Variants in DPP6 observed in about 807,000 individuals in gnomAD.
The protein encoded by DPP6 is A-type potassium channel modulatory protein DPP6.
DPP6 carries 69 observed loss-of-function variants against 122.6 expected under a neutral mutation model. The observed-to-expected ratio is 0.56, with a 90% CI of 0.46 to 0.69. DPP6 has a LOEUF of 0.69. Ranked by LOEUF, DPP6 falls within the 30% of genes least tolerant of loss-of-function variation. DPP6 has a pLI of 0.00. For synonymous variants in DPP6, 418 were observed against 433.1 expected (o/e 0.97, Z 0.43); for missense variants, 928 against 1,116.9 (o/e 0.83, Z 2.41).
rs1045389105 is a variant in DPP6, at chr7:153,984,541, AG to A, written c.51+96812del. Reference sequence around the variant, plus strand: ...ACTGCCTTGGAGCAGGTGCAACTTCAGGGGGAATTCTCTTATTTTTATTGCA... The same window carrying A: ...ACTGCCTTGGAGCAGGTGCAACTTCAGGGGAATTCTCTTATTTTTATTGCA... On this transcript the variant is annotated intron_variant, in intron 1 of 25. Transcript: ENST00000404039. Among the ~76,000 whole-genome samples the A allele has an allele frequency of 3.9e-5, 6 of 152,278 alleles. 1 individual carries two copies. The highest frequency in any genetic ancestry group is 2.0e-4 in the Admixed American group (3 of 15,304).
chr7:154,623,738 TG>T (rs1407622632), intron 5 of DPP6, among the ~76,000 whole-genome samples: 3 of 152,250 alleles, frequency 2.0e-5, no homozygotes, highest in Non-Finnish European at 4.4e-5. Flanking sequence ...AGCACATTTT[TG>T]GTGCTCTGAA....
chr7:154,382,347 A>G (rs1813700235), intron 1 of DPP6, among the ~76,000 whole-genome samples: 2 of 152,184 alleles, frequency 1.3e-5, no homozygotes, highest in African/African-American at 4.8e-5. Context: ...ACCACAGGGC[A>G]TCCTGTATTT....
the DPP6 span, among the ~76,000 whole-genome samples, chr7:153,824,416 G>A: frequency 6.9e-6 from 1 of 145,482 alleles, no homozygotes; most frequent in Non-Finnish European, 1.5e-5. Context: ...GCCAGGCGTA[G>A]TGGCTCATGC....
At chr7:153,817,296 G>A in the DPP6 span, among the ~76,000 whole-genome samples, 3 of 146,822 alleles carry the variant, frequency 2.0e-5, no homozygotes, top group Admixed American at 1.4e-4. Context: ...AGTTTATCAA[G>A]CTTCAGTTCT....
the DPP6 span, among the ~76,000 whole-genome samples, chr7:153,868,506 G>T: frequency 1.3e-5 from 2 of 152,054 alleles, no homozygotes; most frequent in African/African-American, 4.8e-5. Flanking sequence ...TATAACCTTT[G>T]TCATTTTTTA....
chr7:154,051,056 C>G (rs1490427086), upstream of DPP6, among the ~76,000 whole-genome samples: 93 of 126,978 alleles, frequency 7.3e-4, 11 homozygotes, highest in Non-Finnish European at 1.2e-3. Context: ...TCTCTCTGGG[C>G]TTGGGGCAAT....
intron 21 of DPP6, among the ~76,000 whole-genome samples, chr7:154,882,304 G>A (rs1805453564): frequency 6.6e-6 from 1 of 152,232 alleles, no homozygotes; most frequent in Non-Finnish European, 1.5e-5. Context: ...CTCCGCCGAG[G>A]ACATCTGTCT....
chr7:154,575,336 TGTGTGTATGTGTGTGTG>T (rs1244813950), intron 5 of DPP6, among the ~76,000 whole-genome samples: 30,628 of 115,868 alleles, frequency 0.26, 4,422 homozygotes, highest in Admixed American at 0.33. Flanking sequence ...GTGTGTGTGG[TGTGTGTATGTGTGTGTG>T]GTGTGTGTGT....
intron 1 of DPP6, among the ~76,000 whole-genome samples, chr7:154,265,809 C>T (rs760317319): frequency 1.4e-4 from 21 of 152,080 alleles, no homozygotes; most frequent in Non-Finnish European, 2.2e-4. Context: ...TTCTCTCAAA[C>T]CTTAGACTTT....
chr7:154,725,636 G>T (rs971199691), intron 7 of DPP6, among the ~76,000 whole-genome samples: 2 of 152,098 alleles, frequency 1.3e-5, no homozygotes, highest in Non-Finnish European at 2.9e-5. Context: ...TTTGGGTGGG[G>T]TCACAAATCC....
chr7:153,792,792 C>G, the DPP6 span, among the ~76,000 whole-genome samples: 1 of 151,678 alleles, frequency 6.6e-6, no homozygotes, highest in Admixed American at 6.6e-5. Context: ...CCAGAAGTCC[C>G]ATGTGTTGTG....
intron 1 of DPP6, among the ~76,000 whole-genome samples, chr7:154,114,808 A>G (rs1428620896): frequency 1.3e-5 from 2 of 152,150 alleles, no homozygotes; most frequent in African/African-American, 4.8e-5. Context: ...TTTTGCTGCC[A>G]GAATGTCCTC....
intron 8 of DPP6, among the ~76,000 whole-genome samples, chr7:154,736,358 A>G (rs567145148): frequency 1.3e-5 from 2 of 152,368 alleles, no homozygotes; most frequent in South Asian, 4.1e-4. Context: ...GCCTGTTGTC[A>G]TAGCAAAACA....
chr7:154,559,927 G>GAT (rs368280966), intron 4 of DPP6, among the ~76,000 whole-genome samples: 47 of 143,938 alleles, frequency 3.3e-4, no homozygotes, highest in South Asian at 2.2e-4. Flanking sequence ...AATATATATA[G>GAT]ATATATATAT....
At position 154,791,284 on chromosome 7, in the gene DPP6, AAT is replaced by A. The variant is rs58931480; in HGVS notation, c.1137-2793_1137-2792del. On this transcript the variant is annotated intron_variant, in intron 10 of 25. Coordinates refer to ENST00000377770, the MANE Select transcript of DPP6 (RefSeq NM_130797.4). ...AATAAAAATAAAAATAAATAAATAA[AAT>A]AAAGACCTACCTGAGACTGGGTAAT... Among the ~76,000 whole-genome samples, 1,268 of 152,160 alleles carry A rather than the reference AAT, an allele frequency of 8.3e-3. 24 individuals carry two copies. The highest frequency in any genetic ancestry group is 0.029 in the African/African-American group (1,198 of 41,504).
intron 3 of DPP6, among the ~76,000 whole-genome samples, chr7:154,495,327 G>A (rs955868581): frequency 1.3e-5 from 2 of 152,042 alleles, no homozygotes; most frequent in Non-Finnish European, 2.9e-5. Context: ...TGAGGGTGGA[G>A]TGTAGATAGT....
chr7:154,561,495 C>A (rs1472673421), intron 4 of DPP6, among the ~76,000 whole-genome samples: 2 of 151,908 alleles, frequency 1.3e-5, no homozygotes, highest in African/African-American at 4.8e-5. Flanking sequence ...TTCTAAATAA[C>A]AAATCAGCCA....
intron 1 of DPP6, among the ~76,000 whole-genome samples, chr7:154,012,655 C>G (rs560717661): frequency 1.7e-4 from 26 of 152,028 alleles, no homozygotes; most frequent in Non-Finnish European, 3.2e-4. Flanking sequence ...ATGGGAGTAC[C>G]AAGTATACCT....
chr7:154,282,249 A>G lies in DPP6; in HGVS notation c.244-163965A>G, dbSNP rs188775147. Among the ~76,000 whole-genome samples, 1 of 152,236 alleles carries G rather than the reference A, an allele frequency of 6.6e-6. No individual in the cohort carries two copies. Among genetic ancestry groups the G allele is most frequent in the Admixed American group, 6.5e-5 (1 of 15,286 alleles). On this transcript the variant is annotated intron_variant, in intron 1 of 25. Transcript: ENST00000377770. The surrounding 1 kb of genome is among the most constrained non-coding windows in gnomAD (Gnocchi z 4.8). ...ATCTGTGGTTTTCATTGATGGTGGC[A>G]GCTTTAGCCAGGCAGTGGTTTCCCT...
Sources: gnomAD v4.1 joint callset for allele counts (sites outside exome capture counted in the v4.1 genomes callset) on GRCh38, gnomAD v4.1.1 for gene constraint, Gnocchi (gnomAD v3.1) non-coding constraint, MANE v1.5 for transcripts, NCBI Gene and HGNC (gene_info 2026-07-23, HGNC 2026-07-21) for gene names.